Variants in RAB12 observed in about 807,000 individuals in gnomAD.
RAB12 encodes RAB12, member RAS oncogene family, also known as ras-related protein Rab-12.
In RAB12, 11 loss-of-function variants were observed where a neutral mutation model predicts 28.4. The observed-to-expected ratio is 0.39, with a 90% confidence interval of 0.24 to 0.64. The LOEUF is 0.64. Among genes scored for constraint, RAB12 ranks in the 30% least tolerant of loss-of-function variants. The pLI, the probability that RAB12 is intolerant of heterozygous loss-of-function variation, is 0.50. For synonymous variants in RAB12, 138 were observed against 145.3 expected, an observed-to-expected ratio of 0.95 and a Z score of 0.36; for missense variants, 276 against 351.1, an observed-to-expected ratio of 0.79 and a Z score of 1.71.
intron 2 of RAB12, 75 bp from the exon 3 acceptor site, chr18:8,633,113 TC>T: frequency 6.4e-7 from 1 of 1,569,110 alleles, no homozygotes; most frequent in South Asian, 1.1e-5. Flanking sequence ...CAGCATATAA[TC>T]TATGTTTGCA....
chr18:8,610,135 T>C, intron 1 of RAB12, 182 bp downstream of exon 1: 1 of 519,056 alleles, frequency 1.9e-6, no homozygotes, highest in Non-Finnish European at 3.4e-6. Flanking sequence ...GGCAGAGGTT[T>C]TCGTGCCGCC....
At chr18:8,624,096 C>T (rs373132643) in intron 1 of RAB12, among the ~76,000 whole-genome samples, 8 of 152,256 alleles carry the variant, frequency 5.3e-5, no homozygotes, top group African/African-American at 1.9e-4. Flanking sequence ...GGATCGTCTA[C>T]ACCCTGGGTC....
chr18:8,637,275 A>AT (rs1280753119), intron 5 of RAB12, among the ~76,000 whole-genome samples: 11 of 122,342 alleles, frequency 9.0e-5, no homozygotes, highest in African/African-American at 1.3e-4. Context: ...CACTGTCTCT[A>AT]TTTAAAAAAA....
At chr18:8,609,999 G>A in intron 1 of RAB12, 46 bp downstream of exon 1, 1 of 1,468,006 alleles carries the variant, frequency 6.8e-7, no homozygotes, top group African/African-American at 1.4e-5. Flanking sequence ...TGGCGCCCGG[G>A]CAGGTGCCCT....
At chr18:8,619,495 CA>C (rs2096008573) in intron 1 of RAB12, among the ~76,000 whole-genome samples, 1 of 152,224 alleles carries the variant, frequency 6.6e-6, no homozygotes, top group Admixed American at 6.5e-5. Flanking sequence ...AGACAGCCAG[CA>C]AGAAGGCAGA....
chr18:8,612,182 A>G (rs2096004217), intron 1 of RAB12, among the ~76,000 whole-genome samples: 1 of 152,252 alleles, frequency 6.6e-6, no homozygotes. Context: ...TTGTCAGGGC[A>G]GTGACAGATG....
chr18:8,622,075 T>C (rs1344895768), intron 1 of RAB12, among the ~76,000 whole-genome samples: 2 of 152,166 alleles, frequency 1.3e-5, no homozygotes, highest in East Asian at 3.9e-4. Context: ...GTCTGACATA[T>C]TCAGACTCCA....
At chr18:8,633,560 A>G (rs2096017162) in intron 3 of RAB12, among the ~76,000 whole-genome samples, 1 of 152,168 alleles carries the variant, frequency 6.6e-6, no homozygotes, top group African/African-American at 2.4e-5. Flanking sequence ...GACTGTCTCA[A>G]CTACAGAGGC....
At chr18:8,625,477 C>G (rs113391319) in intron 2 of RAB12, among the ~76,000 whole-genome samples, 1 of 152,262 alleles carries the variant, frequency 6.6e-6, no homozygotes, top group African/African-American at 2.4e-5. Context: ...ATACTCCTTC[C>G]GGCTGTACTG....
At chr18:8,622,700 G>C (rs2096010560) in intron 1 of RAB12, among the ~76,000 whole-genome samples, 1 of 151,096 alleles carries the variant, frequency 6.6e-6, no homozygotes, top group Non-Finnish European at 1.5e-5. Flanking sequence ...CAACCGGTCT[G>C]ACCCAAATTT....
intron 2 of RAB12, among the ~76,000 whole-genome samples, chr18:8,630,591 AG>A (rs970783127): frequency 6.6e-6 from 1 of 152,210 alleles, no homozygotes; most frequent in East Asian, 1.9e-4. Context: ...CCCTGGCCGA[AG>A]GGGAGGTCCA....
chr18:8,613,829 AAGTAGTAGTAGTAGTAGT>A (rs3050584), intron 1 of RAB12, among the ~76,000 whole-genome samples: 2 of 148,656 alleles, frequency 1.3e-5, no homozygotes, highest in African/African-American at 2.5e-5. Flanking sequence ...CTATAAATAG[AAGTAGTAGTAGTAGTAGT>A]AGTAGTAGTA....
intron 1 of RAB12, among the ~76,000 whole-genome samples, chr18:8,613,646 A>G (rs891406304): frequency 1.1e-4 from 16 of 152,132 alleles, no homozygotes; most frequent in African/African-American, 3.9e-4. Context: ...CTAGCTGTTA[A>G]TTTTGTTTAG....
chr18:8,613,008 C>G (rs1301089211), intron 1 of RAB12, among the ~76,000 whole-genome samples: 3 of 152,144 alleles, frequency 2.0e-5, no homozygotes, highest in Admixed American at 6.5e-5. Flanking sequence ...TATAAAAGAT[C>G]CGTAGTGGAA....
chr18:8,636,140 CT>C, intron 4 of RAB12, 112 bp from the exon 5 acceptor site: 1 of 710,956 alleles, frequency 1.4e-6, no homozygotes, highest in East Asian at 2.7e-5. Flanking sequence ...GTCAGTGGGA[CT>C]TTCTACCCCT....
intron 2 of RAB12, among the ~76,000 whole-genome samples, chr18:8,629,272 T>C (rs2096014572): frequency 6.6e-6 from 1 of 152,230 alleles, no homozygotes; most frequent in African/African-American, 2.4e-5. Context: ...ATTTTATTCA[T>C]TGACTCTTTA....
At chr18:8,618,930 G>T (rs561498945) in intron 1 of RAB12, among the ~76,000 whole-genome samples, 1 of 152,156 alleles carries the variant, frequency 6.6e-6, no homozygotes, top group Non-Finnish European at 1.5e-5. Flanking sequence ...TGCTAGATTT[G>T]CCTCTCTCTG....
intron 2 of RAB12, among the ~76,000 whole-genome samples, chr18:8,626,235 C>T (rs1011208873): frequency 1.5e-4 from 23 of 152,190 alleles, no homozygotes; most frequent in Admixed American, 1.4e-3. Flanking sequence ...CTGGAAATGG[C>T]AACAAAGTGT....
At chr18:8,614,522 A>T (rs1349447797) in intron 1 of RAB12, among the ~76,000 whole-genome samples, 1 of 147,424 alleles carries the variant, frequency 6.8e-6, no homozygotes, top group Non-Finnish European at 1.5e-5. Context: ...AAAAAAAGAA[A>T]AAAAAAAGAC....
Sources: gnomAD v4.1 joint callset for allele counts (sites outside exome capture counted in the v4.1 genomes callset) on GRCh38, gnomAD v4.1.1 for gene constraint, MANE v1.5 for transcripts, NCBI Gene and HGNC (gene_info 2026-07-23, HGNC 2026-07-21) for gene names.